The following ACMSD variants were observed in gnomAD, a reference collection of about 807,000 sequenced individuals.
The protein encoded by ACMSD is 2-amino-3-carboxymuconate-6-semialdehyde decarboxylase.
ACMSD carries 37 observed loss-of-function variants against 45.9 expected under a neutral mutation model. The observed-to-expected ratio is 0.81, with a 90% CI of 0.62 to 1.06. The LOEUF is 1.06. Ranked by LOEUF, ACMSD falls within the 50% of genes least tolerant of loss-of-function variation. ACMSD has a pLI of 0.00. For missense variants in ACMSD, 434 were observed against 420.9 expected (o/e 1.03, Z -0.27); for synonymous variants, 138 against 148.8 (o/e 0.93, Z 0.53).
chr2:134,842,257 C>T (rs1208211585), intron 1 of ACMSD, among the ~76,000 whole-genome samples: 3 of 152,128 alleles, frequency 2.0e-5, no homozygotes, highest in Admixed American at 6.6e-5. Flanking sequence ...TGCGGGGCTA[C>T]ATCAAGCACA....
chr2:134,839,295 T>C (rs1487436806), intron 1 of ACMSD, among the ~76,000 whole-genome samples: 3 of 152,154 alleles, frequency 2.0e-5, no homozygotes, highest in African/African-American at 4.8e-5. Flanking sequence ...AACTAGGAAG[T>C]AGGTACATCA....
chr2:134,869,596 T>G (rs1183872112), intron 6 of ACMSD, among the ~76,000 whole-genome samples: 1 of 152,112 alleles, frequency 6.6e-6, no homozygotes, highest in Non-Finnish European at 1.5e-5. Flanking sequence ...AATACATTGA[T>G]TCCTTCTAGC....
At chr2:134,872,857 T>A in intron 8 of ACMSD, 1 of 529,562 alleles carries the variant, frequency 1.9e-6, no homozygotes, top group Non-Finnish European at 3.4e-6. Context: ...GAAACTATTA[T>A]ATATGCCAGA....
chr2:134,877,369 T>C (rs1167878526), intron 8 of ACMSD, among the ~76,000 whole-genome samples: 1 of 152,180 alleles, frequency 6.6e-6, no homozygotes, highest in Non-Finnish European at 1.5e-5. Context: ...ACATTTATTA[T>C]CTCTCATGGC....
chr2:134,894,830 T>C (rs1342976281), intron 8 of ACMSD, among the ~76,000 whole-genome samples: 3 of 152,060 alleles, frequency 2.0e-5, no homozygotes, highest in Admixed American at 1.3e-4. Flanking sequence ...GCTTTGTATC[T>C]AGAAAATCCT....
At chr2:134,852,533 A>G (rs1423504707) in intron 2 of ACMSD, among the ~76,000 whole-genome samples, 1 of 152,238 alleles carries the variant, frequency 6.6e-6, no homozygotes, top group Non-Finnish European at 1.5e-5. Context: ...TGTAGTCTCC[A>G]GGCAATAAGC....
chr2:134,899,243 A>G (rs1690358194), intron 9 of ACMSD, among the ~76,000 whole-genome samples: 1 of 152,128 alleles, frequency 6.6e-6, no homozygotes, highest in Non-Finnish European at 1.5e-5. Context: ...ACTATTAAAG[A>G]TATTGTTCAT....
chr2:134,867,617 C>T lies in ACMSD; in HGVS notation c.525C>T (p.Pro175=). Residue 175 remains proline (P), a synonymous_variant, in exon 6 of 10, where the codon CCC becomes CCT. Transcript: ENST00000356140. The part of the protein sequence containing the change: ...ERLKCSLFVH[P]WDMQMDGRMA... ...TGAAGTGTTCCCTGTTCGTGCATCC[C>T]TGGGACATGCAGATGGATGGACGAA... 3.1e-6 allele frequency: 5 copies of T among 1,613,984 alleles called. No homozygotes were observed. Among genetic ancestry groups the T allele is most frequent in the Non-Finnish European group, 3.4e-6 (4 of 1,179,946 alleles).
chr2:134,859,331 T>C lies in ACMSD; in HGVS notation c.173T>C (p.Val58Ala). 6.2e-7 allele frequency: 1 copy of C among 1,614,056 alleles called. No homozygotes were observed. The change falls in exon 3 of 10, where the codon GTT becomes GCT. Residue 58 changes from valine to alanine, a missense_variant. Val to Ala is a moderately conservative substitution (Grantham distance 64). Coordinates refer to ENST00000356140, the MANE Select transcript of ACMSD (RefSeq NM_138326.3). ...VVRENCWDPE[V>A]RIREMDQKGV... Reference sequence around the variant, plus strand: ...CGAGAGAATTGCTGGGATCCAGAAGTTCGTATTAGAGAAATGGACCAAAAA... The same window carrying C: ...CGAGAGAATTGCTGGGATCCAGAAGCTCGTATTAGAGAAATGGACCAAAAA...
intron 2 of ACMSD, among the ~76,000 whole-genome samples, chr2:134,854,414 G>C (rs1262493119): frequency 6.6e-6 from 1 of 152,208 alleles, no homozygotes; most frequent in African/African-American, 2.4e-5. Context: ...ACATTCACCT[G>C]GTGAGCTGCT....
At chr2:134,900,067 C>A (rs999256444) in intron 9 of ACMSD, among the ~76,000 whole-genome samples, 14 of 151,800 alleles carry the variant, frequency 9.2e-5, no homozygotes, top group African/African-American at 1.7e-4. Flanking sequence ...TTGAACCATG[C>A]GAAGGTAAAT....
chr2:134,841,574 G>A (rs1333109651), intron 1 of ACMSD, among the ~76,000 whole-genome samples: 1 of 152,146 alleles, frequency 6.6e-6, no homozygotes, highest in Non-Finnish European at 1.5e-5. Context: ...AATTGTTTCT[G>A]ATGAATGAGG....
At chr2:134,847,707 G>T (rs566399905) in intron 2 of ACMSD, among the ~76,000 whole-genome samples, 101 of 152,250 alleles carry the variant, frequency 6.6e-4, no homozygotes, top group African/African-American at 2.2e-3. Flanking sequence ...AGAACATGCA[G>T]TGTTTGGTTT....
chr2:134,850,022 C>G (rs1687260031), intron 2 of ACMSD, among the ~76,000 whole-genome samples: 1 of 151,744 alleles, frequency 6.6e-6, no homozygotes, highest in Admixed American at 6.6e-5. Context: ...ATCACACTTT[C>G]AGCATTTTTA....
chr2:134,847,042 G>A (rs1176557341), intron 2 of ACMSD, among the ~76,000 whole-genome samples: 4 of 152,178 alleles, frequency 2.6e-5, no homozygotes, highest in African/African-American at 9.7e-5. Context: ...CAATGTGGCT[G>A]AAATGCAGTG....
chr2:134,889,378 CT>C (rs961142661), intron 8 of ACMSD, among the ~76,000 whole-genome samples: 22 of 152,198 alleles, frequency 1.4e-4, no homozygotes, highest in African/African-American at 5.3e-4. Flanking sequence ...AGCTAGTCTG[CT>C]TGGAGAAAAG....
intron 8 of ACMSD, among the ~76,000 whole-genome samples, chr2:134,882,299 CAAG>C (rs748987753): frequency 6.6e-5 from 10 of 152,214 alleles, no homozygotes; most frequent in Admixed American, 2.0e-4. Context: ...TCTGTCTTCT[CAAG>C]AAGTTGTGGT....
chr2:134,894,819 G>A (rs776821223), intron 8 of ACMSD, among the ~76,000 whole-genome samples: 15 of 151,964 alleles, frequency 9.9e-5, no homozygotes, highest in African/African-American at 2.9e-4. Context: ...CAATTGAGAC[G>A]GCTTTGTATC....
intron 8 of ACMSD, chr2:134,873,701 T>C (rs1688585957): frequency 6.6e-6 from 1 of 152,236 alleles, no homozygotes; most frequent in Admixed American, 6.5e-5. Flanking sequence ...TTTAGCTTGG[T>C]AATCAATTAT....
Sources: gnomAD v4.1 joint callset for allele counts (sites outside exome capture counted in the v4.1 genomes callset) on GRCh38, gnomAD v4.1.1 for gene constraint, MANE v1.5 for transcripts, NCBI Gene and HGNC (gene_info 2026-07-23, HGNC 2026-07-21) for gene names.